The following TARDBP variants were observed in gnomAD, a reference collection of about 807,000 sequenced individuals.
The protein encoded by TARDBP is TAR DNA binding protein.
In TARDBP, 4 loss-of-function variants were observed where a neutral mutation model predicts 38.3. That is an observed-to-expected ratio of 0.10 (90% CI 0.05 to 0.24). TARDBP has a LOEUF of 0.24. Ranked by LOEUF, TARDBP falls within the 10% of genes least tolerant of loss-of-function variation. TARDBP has a pLI of 1.00. For synonymous variants in TARDBP, 184 were observed against 183.8 expected, an observed-to-expected ratio of 1.00 and a Z score of -0.01; for missense variants, 202 against 521.9, an observed-to-expected ratio of 0.39 and a Z score of 5.97.
At chr1:11,014,073 T>C in intron 2 of TARDBP, 108 bp downstream of exon 2, 1 of 1,150,240 alleles carries the variant, frequency 8.7e-7, no homozygotes, top group Non-Finnish European at 1.3e-6. Context: ...GAAACTTAAG[T>C]ATTTCCTTGA....
downstream of TARDBP, among the ~76,000 whole-genome samples, chr1:11,029,467 A>G (rs1440217035): frequency 6.6e-6 from 1 of 151,816 alleles, no homozygotes; most frequent in Non-Finnish European, 1.5e-5. Context: ...AAAAAAAAGT[A>G]CTATTAAAAG....
chr1:11,028,072 A>G (rs948888283), downstream of TARDBP, among the ~76,000 whole-genome samples: 3 of 152,106 alleles, frequency 2.0e-5, no homozygotes, highest in African/African-American at 7.2e-5. Flanking sequence ...ATACACAAAA[A>G]TTAGCCGGGC....
chr1:11,023,213 T>C lies in TARDBP; in HGVS notation c.*559T>C. 1 of 1,550,520 alleles carries C rather than the reference T, an allele frequency of 6.4e-7. No individual in the cohort carries two copies. The highest frequency in any genetic ancestry group is 8.7e-7 in the Non-Finnish European group (1 of 1,146,858). On this transcript the variant is annotated 3_prime_UTR_variant, in exon 6 of 6. Coordinates refer to ENST00000240185, the MANE Select transcript of TARDBP (RefSeq NM_007375.4). Reference sequence around the variant, plus strand: ...TGCAGTTCATCTCATTTCAAATGTTTATGGAAGAAGCACTTCATTGAAAGT... The same window carrying C: ...TGCAGTTCATCTCATTTCAAATGTTCATGGAAGAAGCACTTCATTGAAAGT...
chr1:11,027,837 C>A (rs1486092556), downstream of TARDBP, among the ~76,000 whole-genome samples: 6 of 152,154 alleles, frequency 3.9e-5, no homozygotes, highest in Non-Finnish European at 7.4e-5. Flanking sequence ...CTGATAAAAC[C>A]TTTTGGTATT....
At chr1:11,015,959 C>T (rs976441740) in intron 2 of TARDBP, among the ~76,000 whole-genome samples, 4 of 146,522 alleles carry the variant, frequency 2.7e-5, no homozygotes, top group South Asian at 2.2e-4. Flanking sequence ...ATTTTTTAGA[C>T]GAAGTCTCGC....
chr1:11,021,598 T>C (rs1326688032), intron 5 of TARDBP, among the ~76,000 whole-genome samples: 1 of 152,256 alleles, frequency 6.6e-6, no homozygotes, highest in Middle Eastern at 3.4e-3. Context: ...TTTTAAATTA[T>C]TATTTTGAGA....
rs181715581 is a variant in TARDBP at position 11,023,557 on chromosome 1, C to T, written c.*903C>T. ...TATTTTTTAACTTGGCGAGATGTGT[C>T]TCTCAATCCTGTGGCTTTGGTGAGA... On this transcript the variant is annotated 3_prime_UTR_variant, in exon 6 of 6. Transcript: ENST00000240185. 4 of 424,446 alleles carry T rather than the reference C, an allele frequency of 9.4e-6. No homozygotes were observed. In the Admixed American group the frequency reaches 1.2e-4, roughly 13 times the overall value. 26.3% of individuals were successfully genotyped at this position (424,446 alleles called of 1,614,324 possible).
intron 2 of TARDBP, among the ~76,000 whole-genome samples, chr1:11,015,863 CT>C (rs371930150): frequency 1.7e-4 from 26 of 151,132 alleles, no homozygotes; most frequent in African/African-American, 6.1e-4. Context: ...CTGCCTCAGC[CT>C]CATGAGTAGC....
At chr1:11,027,665 ATAGG>A (rs1643762836), downstream of TARDBP, 1 of 1,579,674 alleles carries the variant, frequency 6.3e-7, no homozygotes, top group Non-Finnish European at 8.6e-7. Flanking sequence ...AAAGAAGCAG[ATAGG>A]TAGAGAGCCT....
At chr1:11,013,423 G>T (rs1480721763) in intron 1 of TARDBP, among the ~76,000 whole-genome samples, 1 of 141,086 alleles carries the variant, frequency 7.1e-6, no homozygotes, top group Non-Finnish European at 1.6e-5. Flanking sequence ...GCATACCCTA[G>T]CTTGTAACCA....
chr1:11,018,840 A>G lies in TARDBP; in HGVS notation c.510A>G (p.Gly170=). 1 of 1,614,202 alleles carries G rather than the reference A, an allele frequency of 6.2e-7. No homozygotes were observed. Among genetic ancestry groups the G allele is most frequent in the South Asian group, 1.1e-5 (1 of 91,084 alleles). Residue 170 remains glycine, a synonymous_variant, in exon 4 of 6, where the codon GGA becomes GGG. Coordinates refer to ENST00000240185, the MANE Select transcript of TARDBP (RefSeq NM_007375.4). ...TGTCACAGCGACATATGATAGATGG[A>G]CGATGGTGTGACTGCAAACTTCCTA... The part of the protein sequence containing the change: ...KVMSQRHMID[G]RWCDCKLPNS...
At chr1:11,017,492 C>T (rs942321743) in intron 3 of TARDBP, among the ~76,000 whole-genome samples, 23 of 152,032 alleles carry the variant, frequency 1.5e-4, no homozygotes, top group African/African-American at 5.6e-4. Flanking sequence ...TGAGCCACCG[C>T]GCCCGGCCAC....
At chr1:11,020,624 C>T (rs773573091) in intron 5 of TARDBP, 25 bp downstream of exon 5, 1 of 1,607,090 alleles carries the variant, frequency 6.2e-7, no homozygotes, top group Non-Finnish European at 8.5e-7. Flanking sequence ...AACGATATGT[C>T]CCGGCCGGGC....
downstream of TARDBP, chr1:11,027,768 G>T: frequency 9.6e-7 from 1 of 1,038,832 alleles, no homozygotes; most frequent in Non-Finnish European, 1.4e-6. Flanking sequence ...TACATGAATT[G>T]GTGGGTGACT....
rs1215706569 is a variant in TARDBP, at chr1:11,023,125, T to C, written c.*471T>C. 6.5e-7 allele frequency: 1 copy of C among 1,536,398 alleles called. No homozygotes were observed. The highest frequency in any genetic ancestry group is 8.8e-7 in the Non-Finnish European group (1 of 1,137,352). The stretch of plus-strand genomic sequence containing the variant: ...GTCACAGTGTTTGGTTCTTTTGTTT[T>C]GTTTTTTAACACTTGTCTCCCCTCA... On this transcript the variant is annotated 3_prime_UTR_variant, in exon 6 of 6. Transcript: ENST00000240185.
intron 1 of TARDBP, among the ~76,000 whole-genome samples, chr1:11,013,233 T>TTA (rs1643447603): frequency 6.6e-6 from 1 of 152,228 alleles, no homozygotes; most frequent in Non-Finnish European, 1.5e-5. Flanking sequence ...CTCCTGTTCT[T>TTA]TACACCTGGT....
chr1:11,023,349 C>G lies in TARDBP; in HGVS notation c.*695C>G. ...TTGACGGTGGGTGTCCCATTTTTAT[C>G]CGCTACTCTTTATTTCATGGAGTCG... is the stretch of plus-strand genomic sequence containing the variant. On this transcript the variant is annotated 3_prime_UTR_variant, in exon 6 of 6. Coordinates refer to ENST00000240185, the MANE Select transcript of TARDBP (RefSeq NM_007375.4). 8.1e-7 allele frequency: 1 copy of G among 1,235,796 alleles called. No individual in the cohort carries two copies. The highest frequency in any genetic ancestry group is 2.6e-5 in the East Asian group (1 of 39,010). 76.6% of individuals were successfully genotyped at this position (1,235,796 alleles called of 1,614,324 possible). A position where few individuals can be genotyped will look rare whatever the true frequency, so the allele number is the denominator to read the frequency against.
chr1:11,012,803 C>T (rs373555989), intron 1 of TARDBP, 60 bp downstream of exon 1: 100 of 152,428 alleles, frequency 6.6e-4, no homozygotes, highest in African/African-American at 2.3e-3. Flanking sequence ...TGCATTGGGG[C>T]GGCCCGAGGC....
chr1:11,028,458 T>C (rs1468191529), downstream of TARDBP, among the ~76,000 whole-genome samples: 2 of 152,186 alleles, frequency 1.3e-5, no homozygotes. Context: ...GTTGCAGTTG[T>C]GGCTAGGACC....
Sources: gnomAD v4.1 joint callset for allele counts (sites outside exome capture counted in the v4.1 genomes callset) on GRCh38, gnomAD v4.1.1 for gene constraint, MANE v1.5 for transcripts, NCBI Gene and HGNC (gene_info 2026-07-23, HGNC 2026-07-21) for gene names.